Variants in MCC observed in about 807,000 individuals in gnomAD.
MCC encodes the protein colorectal mutant cancer protein.
MCC carries 90 observed loss-of-function variants against 116.2 expected under a neutral mutation model. That is an observed-to-expected ratio of 0.77 (90% CI 0.65 to 0.92). MCC has a LOEUF of 0.92. MCC is among the 40% of genes least tolerant of loss of function. MCC has a pLI of 0.00. For missense variants in MCC, 1,516 were observed against 1,312.2 expected, an observed-to-expected ratio of 1.16 and a Z score of -2.40; for synonymous variants, 578 against 510.5, an observed-to-expected ratio of 1.13 and a Z score of -1.78.
intron 3 of MCC, among the ~76,000 whole-genome samples, chr5:113,151,825 T>C (rs1759894069): frequency 6.6e-6 from 1 of 152,150 alleles, no homozygotes; most frequent in South Asian, 2.1e-4. Context: ...ATATGAAAGC[T>C]GAATAGGGCA....
At chr5:113,189,633 G>A (rs1762059699) in intron 3 of MCC, among the ~76,000 whole-genome samples, 1 of 152,164 alleles carries the variant, frequency 6.6e-6, no homozygotes, top group Admixed American at 6.5e-5. Context: ...ATAAATAAAA[G>A]TGAATCAACT....
At chr5:113,147,748 G>A (rs1458321275) in intron 4 of MCC, among the ~76,000 whole-genome samples, 1 of 152,138 alleles carries the variant, frequency 6.6e-6, no homozygotes, top group Non-Finnish European at 1.5e-5. Flanking sequence ...ATGCCATTAA[G>A]GAGCAAAGGA....
chr5:113,376,574 T>TAC (rs1554079796), intron 2 of MCC, among the ~76,000 whole-genome samples: 3,965 of 145,842 alleles, frequency 0.027, 88 homozygotes, highest in East Asian at 0.061. Context: ...CCATATTTTA[T>TAC]ACACACACAC....
chr5:113,458,992 A>G (rs1344782748), intron 1 of MCC, among the ~76,000 whole-genome samples: 1 of 152,120 alleles, frequency 6.6e-6, no homozygotes, highest in Non-Finnish European at 1.5e-5. Context: ...TCATCCTCAC[A>G]TCAAACATCC....
At chr5:113,290,904 A>C (rs940584628) in intron 3 of MCC, among the ~76,000 whole-genome samples, 1 of 152,208 alleles carries the variant, frequency 6.6e-6, no homozygotes, top group African/African-American at 2.4e-5. Context: ...TGACAGGAAC[A>C]GCTATAGCCA....
intron 11 of MCC, among the ~76,000 whole-genome samples, chr5:113,076,499 C>G (rs983676170): frequency 2.6e-5 from 4 of 152,028 alleles, no homozygotes; most frequent in Non-Finnish European, 5.9e-5. Flanking sequence ...GAGTGGGGGC[C>G]AATATTAAAT....
chr5:113,425,211 C>A (rs10055327), intron 1 of MCC, among the ~76,000 whole-genome samples: 17,565 of 152,182 alleles, frequency 0.12, 1,763 homozygotes, highest in African/African-American at 0.27. Context: ...ACCTACTTTT[C>A]ATAGCAATAC....
chr5:113,026,236 C>A lies in MCC; in HGVS notation c.*1066G>T, dbSNP rs1357117290. The A allele has an allele frequency of 6.6e-6, 1 of 152,200 alleles. No individual in the cohort carries two copies. The highest frequency in any genetic ancestry group is 2.1e-4 in the South Asian group (1 of 4,828). The allele number at this position is 152,200 out of a possible 1,614,324, so 9.4% of individuals were successfully genotyped here. On this transcript the variant is annotated 3_prime_UTR_variant, in exon 19 of 19. Coordinates refer to ENST00000408903, the MANE Select transcript of MCC (RefSeq NM_001085377.2). ...AACTACCATTCCCTCACTCTGTCCC[C>A]GTCATGACAACAGGAGCTAAGTCTT...
intron 8 of MCC, among the ~76,000 whole-genome samples, chr5:113,088,784 G>A (rs573831415): frequency 6.6e-6 from 1 of 152,168 alleles, no homozygotes; most frequent in South Asian, 2.1e-4. Context: ...ATGAGAGTTT[G>A]TAGTAATCCA....
chr5:113,162,500 C>CT lies in MCC; in HGVS notation c.628-11079dup, dbSNP rs902966658. On this transcript the variant is annotated intron_variant, in intron 3 of 18. Transcript: ENST00000408903. ...TAGCCACAAGGGTCGTTGCAATCTT[C>CT]TTTTTTTTTTCCCTGAGACATGGTC... 1.9e-4 allele frequency among the ~76,000 whole-genome samples: 28 copies of CT among 149,366 alleles called. 1 individual carries two copies. The highest frequency in any genetic ancestry group is 1.7e-3 in the South Asian group (8 of 4,682).
chr5:113,351,750 T>C (rs1768273926), intron 2 of MCC, among the ~76,000 whole-genome samples: 1 of 152,170 alleles, frequency 6.6e-6, no homozygotes, highest in Admixed American at 6.5e-5. Context: ...GATACCCCTT[T>C]TACCATGATG....
At chr5:113,034,991 C>T (rs189477256) in intron 17 of MCC, among the ~76,000 whole-genome samples, 35 of 152,254 alleles carry the variant, frequency 2.3e-4, no homozygotes, top group African/African-American at 7.5e-4. Context: ...CTAATGGACT[C>T]CCTCCATTCC....
chr5:113,458,400 C>A (rs1771642456), intron 1 of MCC, among the ~76,000 whole-genome samples: 1 of 151,426 alleles, frequency 6.6e-6, no homozygotes, highest in Admixed American at 6.6e-5. Context: ...GGACCACGAA[C>A]CCACCAGAAG....
chr5:113,395,288 G>T (rs1256354865), intron 1 of MCC, among the ~76,000 whole-genome samples: 1 of 152,034 alleles, frequency 6.6e-6, no homozygotes, highest in African/African-American at 2.4e-5. Flanking sequence ...AAAACAAGTT[G>T]ATATCATTAG....
intron 2 of MCC, among the ~76,000 whole-genome samples, chr5:113,359,813 T>C (rs943454647): frequency 6.6e-5 from 1 of 15,098 alleles, no homozygotes; most frequent in Admixed American, 1.0e-3. Context: ...ATAAATAGAA[T>C]GTTTGGTCCT....
chr5:113,121,884 A>G (rs1447771965), intron 6 of MCC, among the ~76,000 whole-genome samples: 2 of 150,848 alleles, frequency 1.3e-5, no homozygotes, highest in African/African-American at 5.0e-5. Context: ...CTTAGCTCAG[A>G]TAACTTCAAA....
At chr5:113,116,534 T>C (rs1757404360) in intron 6 of MCC, among the ~76,000 whole-genome samples, 2 of 152,180 alleles carry the variant, frequency 1.3e-5, no homozygotes, top group African/African-American at 2.4e-5. Flanking sequence ...AGAAGAGAAG[T>C]TCATGAATCC....
At chr5:113,339,018 C>T (rs991344629) in intron 3 of MCC, among the ~76,000 whole-genome samples, 5 of 151,312 alleles carry the variant, frequency 3.3e-5, no homozygotes, top group Non-Finnish European at 5.9e-5. Context: ...GTCAGGAGTT[C>T]GAGACCAGCC....
chr5:113,479,674 GATC>G (rs1264021132), intron 1 of MCC, among the ~76,000 whole-genome samples: 2 of 152,012 alleles, frequency 1.3e-5, no homozygotes, highest in Admixed American at 6.6e-5. Context: ...TATGAAATAG[GATC>G]ATATTTTTGA....
Sources: allele counts gnomAD v4.1 joint callset (sites outside exome capture counted in the v4.1 genomes callset), GRCh38; gene constraint gnomAD v4.1.1; transcripts MANE v1.5; gene names NCBI Gene and HGNC (gene_info 2026-07-23, HGNC 2026-07-21).